Variants in PTPRM observed in about 807,000 individuals in gnomAD.
PTPRM encodes protein tyrosine phosphatase receptor type M.
PTPRM carries 47 observed loss-of-function variants against 186.7 expected under a neutral mutation model. That is an observed-to-expected ratio of 0.25 (90% CI 0.20 to 0.32). The LOEUF is 0.32. Ranked by LOEUF, PTPRM falls within the 10% of genes least tolerant of loss-of-function variation. The pLI is 1.00. For missense variants in PTPRM, 1,494 were observed against 1,865.0 expected (o/e 0.80, Z 3.66); for synonymous variants, 668 against 674.9 (o/e 0.99, Z 0.16).
chr18:8,199,225 A>G (rs1006961677), intron 14 of PTPRM, among the ~76,000 whole-genome samples: 1 of 152,184 alleles, frequency 6.6e-6, no homozygotes, highest in Non-Finnish European at 1.5e-5. Flanking sequence ...AGGAGACACT[A>G]GTATTATCCT....
At chr18:7,846,521 A>G (rs972492255) in intron 2 of PTPRM, among the ~76,000 whole-genome samples, 2 of 152,190 alleles carry the variant, frequency 1.3e-5, no homozygotes, top group Admixed American at 6.5e-5. Flanking sequence ...CTCATCCTTC[A>G]TCTGGGCCTG....
intron 14 of PTPRM, among the ~76,000 whole-genome samples, chr18:8,189,603 T>C (rs1106700): frequency 0.37 from 55,985 of 152,106 alleles, 11,185 homozygotes; most frequent in East Asian, 0.81. Flanking sequence ...AGAGCTGATA[T>C]GTGGGCTCTT....
chr18:7,905,221 G>C (rs1054698315), intron 3 of PTPRM, among the ~76,000 whole-genome samples: 2 of 152,080 alleles, frequency 1.3e-5, no homozygotes, highest in African/African-American at 4.8e-5. Flanking sequence ...TCAAACTCCC[G>C]ACCTCAGGTG....
intron 13 of PTPRM, among the ~76,000 whole-genome samples, chr18:8,127,412 T>C (rs904546691): frequency 2.0e-5 from 2 of 99,430 alleles, no homozygotes; most frequent in African/African-American, 3.1e-5. Flanking sequence ...AGAGTCCAGC[T>C]GTATTGTTTT....
chr18:7,580,629 C>G (rs899827845), intron 1 of PTPRM, among the ~76,000 whole-genome samples: 2 of 152,142 alleles, frequency 1.3e-5, no homozygotes, highest in Non-Finnish European at 2.9e-5. Context: ...AAATAGTGTG[C>G]TGAGAGGGTA....
intron 22 of PTPRM, among the ~76,000 whole-genome samples, chr18:8,322,808 G>A (rs2095353915): frequency 6.6e-6 from 1 of 152,002 alleles, no homozygotes; most frequent in Admixed American, 6.5e-5. Flanking sequence ...CTGGATAAGT[G>A]TTCTTTTGAT....
At chr18:8,357,086 G>A (rs769031917) in intron 23 of PTPRM, among the ~76,000 whole-genome samples, 8 of 152,190 alleles carry the variant, frequency 5.3e-5, no homozygotes, top group Non-Finnish European at 1.2e-4. Context: ...AGCAGAAAAC[G>A]ATTGAGTGTG....
chr18:7,798,356 C>T (rs2043775602), intron 2 of PTPRM, among the ~76,000 whole-genome samples: 1 of 151,908 alleles, frequency 6.6e-6, no homozygotes, highest in Non-Finnish European at 1.5e-5. Context: ...TGGTGAAACC[C>T]TGTCTCTACT....
At chr18:8,028,307 T>C (rs1417883272) in intron 7 of PTPRM, among the ~76,000 whole-genome samples, 2 of 152,162 alleles carry the variant, frequency 1.3e-5, no homozygotes, top group Non-Finnish European at 2.9e-5. Flanking sequence ...CAGCCCACTG[T>C]TGCTTTCTAA....
intron 32 of PTPRM, chr18:8,405,292 C>T (rs951458708): frequency 6.6e-6 from 1 of 152,324 alleles, no homozygotes; most frequent in African/African-American, 2.4e-5. Context: ...TTGCCTCCGC[C>T]TGGAATGCCT....
At chr18:7,578,337 T>A (rs2036745955) in intron 1 of PTPRM, among the ~76,000 whole-genome samples, 1 of 147,384 alleles carries the variant, frequency 6.8e-6, no homozygotes, top group Non-Finnish European at 1.5e-5. Context: ...AATTAATTTT[T>A]TTTTTTTTTT....
chr18:8,173,147 G>C (rs1429415941), intron 14 of PTPRM, among the ~76,000 whole-genome samples: 2 of 152,124 alleles, frequency 1.3e-5, no homozygotes, highest in Non-Finnish European at 2.9e-5. Flanking sequence ...CATTAACCAT[G>C]TACCTAGACA....
At chr18:7,715,913 TATC>T (rs1256752379) in intron 1 of PTPRM, among the ~76,000 whole-genome samples, 2 of 152,076 alleles carry the variant, frequency 1.3e-5, no homozygotes, top group East Asian at 3.9e-4. Flanking sequence ...GAAGAACCAA[TATC>T]ATGAAAATGG....
At chr18:8,305,768 G>T (rs1365259444) in intron 20 of PTPRM, among the ~76,000 whole-genome samples, 1 of 152,158 alleles carries the variant, frequency 6.6e-6, no homozygotes. Flanking sequence ...TTCCCTGAAA[G>T]ATTGGCTGCT....
At chr18:8,253,665 G>A (rs1049023096) in intron 19 of PTPRM, among the ~76,000 whole-genome samples, 2 of 152,162 alleles carry the variant, frequency 1.3e-5, no homozygotes, top group Admixed American at 1.3e-4. Context: ...CATGGGTTTT[G>A]CATCTCAAAG....
At chr18:8,177,847 T>A (rs1454554719) in intron 14 of PTPRM, among the ~76,000 whole-genome samples, 1 of 152,178 alleles carries the variant, frequency 6.6e-6, no homozygotes, top group African/African-American at 2.4e-5. Context: ...CAGGGTCTTG[T>A]GTCTCTTCTC....
At chr18:7,578,332 ATTTT>A (rs34096793) in intron 1 of PTPRM, among the ~76,000 whole-genome samples, 119 of 121,502 alleles carry the variant, frequency 9.8e-4, no homozygotes, top group Middle Eastern at 4.5e-3. Context: ...TGGCTAATTA[ATTTT>A]TTTTTTTTTT....
intron 4 of PTPRM, among the ~76,000 whole-genome samples, chr18:7,908,361 T>C (rs1461285607): frequency 4.6e-5 from 7 of 152,226 alleles, no homozygotes; most frequent in Non-Finnish European, 7.3e-5. Flanking sequence ...GATGACCCTA[T>C]GCAAAATTAT....
intron 4 of PTPRM, among the ~76,000 whole-genome samples, chr18:7,923,860 G>A (rs2146767316): frequency 6.6e-6 from 1 of 152,294 alleles, no homozygotes; most frequent in South Asian, 2.1e-4. Flanking sequence ...AAAATAATCT[G>A]TATACCAACT....
Sources: gnomAD v4.1 joint callset for allele counts (sites outside exome capture counted in the v4.1 genomes callset) on GRCh38, gnomAD v4.1.1 for gene constraint, MANE v1.5 for transcripts, NCBI Gene and HGNC (gene_info 2026-07-23, HGNC 2026-07-21) for gene names.